The following MAPK10 variants were observed in gnomAD, a reference collection of about 807,000 sequenced individuals.
The protein encoded by MAPK10 is mitogen-activated protein kinase 10, also known as JNK3 alpha protein kinase.
A neutral mutation model predicts 59.3 loss-of-function variants in MAPK10; 25 were observed. The ratio of observed to expected loss-of-function variants is 0.42; its 90% CI spans 0.31 to 0.59. The LOEUF is 0.59. Ranked by LOEUF, MAPK10 falls within the 20% of genes least tolerant of loss-of-function variation. MAPK10 has a pLI of 0.15. For synonymous variants in MAPK10, 190 were observed against 200.5 expected (o/e 0.95, Z 0.44); for missense variants, 351 against 568.9 (o/e 0.62, Z 3.90).
chr4:86,175,236 G>C (rs1409757493), intron 3 of MAPK10, among the ~76,000 whole-genome samples: 5 of 152,062 alleles, frequency 3.3e-5, no homozygotes, highest in Non-Finnish European at 1.5e-5. Flanking sequence ...GAATTATCTG[G>C]ATTTCACTAA....
chr4:86,053,985 C>T (rs746833772), intron 11 of MAPK10, among the ~76,000 whole-genome samples: 6 of 152,126 alleles, frequency 3.9e-5, no homozygotes, highest in Admixed American at 2.0e-4. Flanking sequence ...AAAGTATTCT[C>T]TCTCAGTGAT....
intron 3 of MAPK10, among the ~76,000 whole-genome samples, chr4:86,188,153 G>A (rs1022538452): frequency 1.3e-5 from 2 of 152,094 alleles, no homozygotes; most frequent in Non-Finnish European, 2.9e-5. Context: ...TATTACTGAT[G>A]GGCATTTGGT....
At chr4:86,491,329 A>T (rs1257040246) in intron 1 of MAPK10, among the ~76,000 whole-genome samples, 1 of 152,236 alleles carries the variant, frequency 6.6e-6, no homozygotes, top group Non-Finnish European at 1.5e-5. Context: ...AGTGCATCAC[A>T]TGGTTGATGG....
At chr4:86,207,687 T>G (rs1329548109) in intron 2 of MAPK10, among the ~76,000 whole-genome samples, 2 of 152,272 alleles carry the variant, frequency 1.3e-5, no homozygotes, top group East Asian at 3.9e-4. Flanking sequence ...GAGCATGGAA[T>G]GTTCTTCCAT....
chr4:86,021,627 G>T (rs1746956182), intron 13 of MAPK10, among the ~76,000 whole-genome samples: 1 of 152,260 alleles, frequency 6.6e-6, no homozygotes, highest in South Asian at 2.1e-4. Flanking sequence ...CCCTTGGGTG[G>T]TCGCTGGGAC....
intron 4 of MAPK10, among the ~76,000 whole-genome samples, chr4:86,111,201 T>C (rs1399355101): frequency 6.6e-6 from 1 of 152,132 alleles, no homozygotes; most frequent in Non-Finnish European, 1.5e-5. Context: ...TCTCTTCTTA[T>C]TTGAATATCC....
At chr4:86,378,768 G>T (rs1740211892) in intron 1 of MAPK10, among the ~76,000 whole-genome samples, 1 of 152,188 alleles carries the variant, frequency 6.6e-6, no homozygotes, top group East Asian at 1.9e-4. Context: ...TAGGCCTTGG[G>T]AGAGGCACGG....
intron 1 of MAPK10, among the ~76,000 whole-genome samples, chr4:86,562,290 A>G (rs1760738346): frequency 6.6e-6 from 1 of 151,946 alleles, no homozygotes; most frequent in African/African-American, 2.4e-5. Context: ...AAAATTAATA[A>G]ATAAAATAGT....
chr4:86,350,403 A>G (rs548440221), intron 2 of MAPK10, among the ~76,000 whole-genome samples: 15 of 152,280 alleles, frequency 9.9e-5, no homozygotes, highest in Non-Finnish European at 2.1e-4. Context: ...TTTAGTAGAG[A>G]TGGGGTTTCA....
chr4:86,179,341 C>T (rs549111989), intron 3 of MAPK10, among the ~76,000 whole-genome samples: 4 of 151,834 alleles, frequency 2.6e-5, no homozygotes, highest in East Asian at 1.9e-4. Flanking sequence ...TATAAAACAC[C>T]GATGAAAGAA....
intron 4 of MAPK10, among the ~76,000 whole-genome samples, chr4:86,135,432 A>C (rs1287729937): frequency 1.3e-5 from 2 of 152,116 alleles, no homozygotes; most frequent in African/African-American, 2.4e-5. Flanking sequence ...GGCACACTGA[A>C]ACCTCACACG....
chr4:86,019,878 G>C (rs1205236704), intron 13 of MAPK10, among the ~76,000 whole-genome samples: 1 of 152,138 alleles, frequency 6.6e-6, no homozygotes, highest in Non-Finnish European at 1.5e-5. Flanking sequence ...TGGTGCTACA[G>C]CTTAATTTAG....
chr4:86,137,779 G>C (rs1472291033), intron 4 of MAPK10, among the ~76,000 whole-genome samples: 1 of 143,604 alleles, frequency 7.0e-6, no homozygotes, highest in Non-Finnish European at 1.5e-5. Flanking sequence ...AAAATTGATA[G>C]ACCGCTAGCA....
At chr4:86,263,121 C>T (rs2094078630) in intron 2 of MAPK10, among the ~76,000 whole-genome samples, 1 of 152,194 alleles carries the variant, frequency 6.6e-6, no homozygotes, top group Non-Finnish European at 1.5e-5. Flanking sequence ...CACTGTCTGT[C>T]ACCATGTCAG....
intron 9 of MAPK10, among the ~76,000 whole-genome samples, chr4:86,087,069 A>G (rs1036617792): frequency 6.6e-6 from 1 of 152,188 alleles, no homozygotes; most frequent in Non-Finnish European, 1.5e-5. Flanking sequence ...GCCCTAAAGC[A>G]TTGTTTACAA....
In MAPK10 at chr4:86,034,761, T is replaced by G. The variant is rs1230834522; in HGVS notation, c.1111-3330A>C. ...GTCCTAACAAAGCCTAGATTTGATTTCCTGGAGTAAAGTGATGCTTATTCA... is the reference window on the plus strand; with the variant it reads ...GTCCTAACAAAGCCTAGATTTGATTGCCTGGAGTAAAGTGATGCTTATTCA... On this transcript the variant is annotated intron_variant, in intron 11 of 13. Transcript: ENST00000641462. Among the ~76,000 whole-genome samples the G allele has an allele frequency of 2.0e-5, 3 of 152,248 alleles. No homozygotes were observed. In the South Asian group the frequency reaches 6.2e-4, roughly 32 times the overall value.
chr4:86,517,067 T>C (rs1460667153), intron 1 of MAPK10, among the ~76,000 whole-genome samples: 3 of 152,170 alleles, frequency 2.0e-5, no homozygotes, highest in Non-Finnish European at 2.9e-5. Context: ...ATGGCTTTTA[T>C]TACCTTAAGG....
intron 1 of MAPK10, among the ~76,000 whole-genome samples, chr4:86,535,877 C>T (rs925222288): frequency 2.6e-5 from 4 of 152,318 alleles, no homozygotes; most frequent in East Asian, 1.9e-4. Flanking sequence ...GTCAAAACAT[C>T]TTATCAAATA....
At chr4:86,198,562 A>C in intron 2 of MAPK10, among the ~76,000 whole-genome samples, 1 of 152,094 alleles carries the variant, frequency 6.6e-6, no homozygotes, top group East Asian at 1.9e-4. Context: ...CGTTCTCAAC[A>C]ATTCCTACCT....
Sources: allele counts gnomAD v4.1 joint callset (sites outside exome capture counted in the v4.1 genomes callset), GRCh38; gene constraint gnomAD v4.1.1; transcripts MANE v1.5; gene names NCBI Gene and HGNC (gene_info 2026-07-23, HGNC 2026-07-21).